The following PKP4 variants were observed in gnomAD, a reference collection of about 807,000 sequenced individuals.
PKP4 encodes the protein plakophilin 4.
Under a neutral mutation model 145.1 loss-of-function variants are expected in PKP4, and 90 were observed. The observed-to-expected ratio is 0.62, with a 90% CI of 0.52 to 0.74. The LOEUF is 0.74. Among genes scored for constraint, PKP4 ranks in the 30% least tolerant of loss-of-function variants. The pLI, the probability that PKP4 is intolerant of heterozygous loss-of-function variation, is 0.00. For missense variants in PKP4, 1,340 were observed against 1,482.7 expected, an observed-to-expected ratio of 0.90 and a Z score of 1.58; for synonymous variants, 563 against 577.2, an observed-to-expected ratio of 0.98 and a Z score of 0.35.
chr2:158,538,128 C>T (rs982539839), intron 2 of PKP4, among the ~76,000 whole-genome samples: 1 of 152,156 alleles, frequency 6.6e-6, no homozygotes, highest in African/African-American at 2.4e-5. Context: ...CCCTTGGATG[C>T]AGAGAAATTG....
At position 158,639,321 on chromosome 2, in the gene PKP4, GGT is replaced by G. The variant is rs60771839; in HGVS notation, c.1563-1286_1563-1285del. ...GAATTCACTAACTGAACGCATGAGGGGTGTGTGTGTGTGTGTGTGTGCGTGCG... is the reference window on the plus strand; with the variant it reads ...GAATTCACTAACTGAACGCATGAGGGGTGTGTGTGTGTGTGTGTGCGTGCG... On this transcript the variant is annotated intron_variant, in intron 9 of 21. Coordinates refer to ENST00000389759, the MANE Select transcript of PKP4 (RefSeq NM_003628.6). Among the ~76,000 whole-genome samples, 21 of 137,814 alleles carry G rather than the reference GGT, an allele frequency of 1.5e-4. No homozygotes were observed. The East Asian group carries it at 3.3e-3, about 22-fold the overall frequency. 90.4% of individuals were successfully genotyped at this position (137,814 alleles called of 152,430 possible).
intron 2 of PKP4, among the ~76,000 whole-genome samples, chr2:158,535,696 TAA>T (rs1295105528): frequency 6.6e-6 from 1 of 152,144 alleles, no homozygotes; most frequent in Non-Finnish European, 1.5e-5. Flanking sequence ...GTGAGGATTA[TAA>T]GTGTGAGCCA....
chr2:158,619,930 G>GAC (rs772164888), intron 4 of PKP4, among the ~76,000 whole-genome samples: 4 of 150,694 alleles, frequency 2.7e-5, no homozygotes, highest in South Asian at 4.3e-4. Flanking sequence ...CATTCCCCCA[G>GAC]ACACACACAC....
intron 4 of PKP4, among the ~76,000 whole-genome samples, chr2:158,610,646 T>G (rs181168813): frequency 6.4e-4 from 98 of 152,338 alleles, no homozygotes; most frequent in African/African-American, 2.2e-3. Flanking sequence ...AGTCATTGAT[T>G]GTTACTTAGG....
At chr2:158,601,374 T>G (rs569458021) in intron 3 of PKP4, among the ~76,000 whole-genome samples, 1 of 152,314 alleles carries the variant, frequency 6.6e-6, no homozygotes, top group South Asian at 2.1e-4. Flanking sequence ...TAAAATATGA[T>G]CCTTTTGAGG....
At chr2:158,568,721 C>T (rs548094123) in intron 2 of PKP4, among the ~76,000 whole-genome samples, 10 of 152,220 alleles carry the variant, frequency 6.6e-5, no homozygotes, top group Non-Finnish European at 1.2e-4. Context: ...CACCTGTAAT[C>T]CCAGCACTTT....
At chr2:158,458,070 C>G (rs1304486729) in intron 1 of PKP4, 2 of 152,748 alleles carry the variant, frequency 1.3e-5, no homozygotes, top group African/African-American at 4.8e-5. Context: ...CGACACACCG[C>G]GAGCGCGGGC....
chr2:158,571,813 G>A (rs143004722), intron 2 of PKP4, among the ~76,000 whole-genome samples: 280 of 152,244 alleles, frequency 1.8e-3, no homozygotes, highest in African/African-American at 5.7e-3. Flanking sequence ...TCAGTGTTAC[G>A]TGAAAATGGT....
At chr2:158,495,408 T>C (rs1043750752) in intron 1 of PKP4, among the ~76,000 whole-genome samples, 9 of 151,438 alleles carry the variant, frequency 5.9e-5, no homozygotes, top group Non-Finnish European at 1.3e-4. Context: ...ACTTCTAATG[T>C]GCTATATAAG....
At chr2:158,575,714 A>G (rs1363833936) in intron 2 of PKP4, among the ~76,000 whole-genome samples, 1 of 152,146 alleles carries the variant, frequency 6.6e-6, no homozygotes, top group African/African-American at 2.4e-5. Context: ...GCCCAGCTTG[A>G]TACAACCAGG....
Position 158,669,707 on chromosome 2 carries a change from T to C in PKP4, c.2729-13T>C. On this transcript the variant is annotated splice_polypyrimidine_tract_variant and intron_variant, in intron 16 of 21. Transcript: ENST00000389759. The stretch of plus-strand genomic sequence containing the variant: ...CCTTCTGGAAGTAGAATTTACTCTT[T>C]TGCCGTTGGCAGGCAAATACGCCAT... The C allele has an allele frequency of 6.6e-7, 1 of 1,522,462 alleles. No homozygotes were observed. Among genetic ancestry groups the C allele is most frequent in the East Asian group, 2.3e-5 (1 of 43,506 alleles). The allele number at this position is 1,522,462 out of a possible 1,614,324, so 94.3% of individuals were successfully genotyped here.
At chr2:158,489,620 C>T (rs1275602844) in intron 1 of PKP4, among the ~76,000 whole-genome samples, 2 of 152,194 alleles carry the variant, frequency 1.3e-5, no homozygotes, top group Non-Finnish European at 2.9e-5. Flanking sequence ...GCTCTTCCCA[C>T]GCTGGGCTAA....
At chr2:158,588,814 A>AT (rs148296491) in intron 3 of PKP4, 2 of 151,976 alleles carry the variant, frequency 1.3e-5, no homozygotes, top group African/African-American at 4.8e-5. Context: ...CTCTGCATTT[A>AT]TTTTTTTCTG....
chr2:158,520,541 T>C (rs527562916), intron 1 of PKP4, among the ~76,000 whole-genome samples: 1 of 152,386 alleles, frequency 6.6e-6, no homozygotes, highest in South Asian at 2.1e-4. Context: ...TACTGTATCA[T>C]GTTTATTCCG....
chr2:158,496,843 G>A (rs2105481650), intron 1 of PKP4, among the ~76,000 whole-genome samples: 1 of 151,418 alleles, frequency 6.6e-6, no homozygotes, highest in African/African-American at 2.4e-5. Flanking sequence ...ATCCTCCTGG[G>A]TAGGTGGTTC....
At chr2:158,631,731 G>C in intron 7 of PKP4, 22 bp from the exon 8 acceptor site, 1 of 1,598,364 alleles carries the variant, frequency 6.3e-7, no homozygotes, top group Non-Finnish European at 8.6e-7. Flanking sequence ...AGTTCTTAAC[G>C]ATGTAATTTT....
At chr2:158,528,680 A>AAC (rs2043213521) in intron 1 of PKP4, among the ~76,000 whole-genome samples, 1 of 149,414 alleles carries the variant, frequency 6.7e-6, no homozygotes, top group African/African-American at 2.4e-5. Context: ...AAAAAAAAAA[A>AAC]AAAAAAGAGA....
At chr2:158,555,092 C>A (rs753432606) in intron 2 of PKP4, among the ~76,000 whole-genome samples, 3 of 152,112 alleles carry the variant, frequency 2.0e-5, no homozygotes, top group Non-Finnish European at 4.4e-5. Flanking sequence ...TCTAATTGTT[C>A]TCCAGGTAGT....
At chr2:158,574,246 C>G (rs1574559348) in intron 2 of PKP4, among the ~76,000 whole-genome samples, 2 of 152,166 alleles carry the variant, frequency 1.3e-5, no homozygotes, top group Non-Finnish European at 2.9e-5. Flanking sequence ...TTTTCATACA[C>G]TAAATCACTG....
Sources: allele counts gnomAD v4.1 joint callset (sites outside exome capture counted in the v4.1 genomes callset), GRCh38; gene constraint gnomAD v4.1.1; transcripts MANE v1.5; gene names NCBI Gene and HGNC (gene_info 2026-07-23, HGNC 2026-07-21).